GORAB: variants seen among roughly 807,000 people sequenced by gnomAD.
GORAB encodes the protein golgin, RAB6 interacting, also known as RAB6-interacting golgin.
Under a neutral mutation model 29.9 loss-of-function variants are expected in GORAB, and 17 were observed. That is an observed-to-expected ratio of 0.57 (90% CI 0.39 to 0.85). The LOEUF (loss-of-function observed/expected upper bound fraction) is 0.85. Among genes scored for constraint, GORAB ranks in the 40% least tolerant of loss-of-function variants. The probability of loss-of-function intolerance (pLI) is 0.00; values close to 1 mark genes in which losing one functional copy is unlikely to be tolerated. For synonymous variants in GORAB, 183 were observed against 157.2 expected, an observed-to-expected ratio of 1.16 and a Z score of -1.23; for missense variants, 442 against 437.8, an observed-to-expected ratio of 1.01 and a Z score of -0.09.
At chr1:170,536,179 T>G (rs1208560239) in intron 1 of GORAB, 1 of 152,170 alleles carries the variant, frequency 6.6e-6, no homozygotes, top group Non-Finnish European at 1.5e-5. Context: ...ATTTTAGAGT[T>G]TTCCCTATAG....
intron 1 of GORAB, among the ~76,000 whole-genome samples, chr1:170,534,145 C>T (rs1648897591): frequency 6.6e-6 from 1 of 152,066 alleles, no homozygotes; most frequent in South Asian, 2.1e-4. Context: ...ACCAAAGTGT[C>T]CATTAACAAG....
Position 170,539,365 on chromosome 1 carries a change from G to A in GORAB, c.217G>A (p.Val73Ile), listed in dbSNP as rs1558004413. Residue 73 changes from valine (V) to isoleucine (I), a missense_variant, in exon 2 of 5, where the codon GTT becomes ATT. Transcript: ENST00000367763. ...EQLLSAPKQR[V>I]NVQKPPFSSP... is the part of the protein sequence containing the mutation. ...GCTGCTTTCAGCACCAAAACAGAGA[G>A]TTAACGTTCAAAAACCACCTTTTTC... 6.2e-7 allele frequency: 1 copy of A among 1,614,110 alleles called. No individual in the cohort carries two copies. The highest frequency in any genetic ancestry group is 1.7e-5 in the Admixed American group (1 of 60,008).
intron 4 of GORAB, chr1:170,545,093 AG>A (rs1649675614): frequency 8.7e-7 from 1 of 1,152,816 alleles, no homozygotes; most frequent in South Asian, 4.0e-5. Context: ...TTTACGTTTT[AG>A]TCTTTGCTGC....
intron 2 of GORAB, 88 bp downstream of exon 2, chr1:170,539,655 T>G: frequency 1.4e-6 from 2 of 1,401,632 alleles, no homozygotes; most frequent in Non-Finnish European, 2.0e-6. Flanking sequence ...ATTTGTTTAT[T>G]TTAACATTTT....
chr1:170,552,368 A>T lies in GORAB; in HGVS notation c.1016A>T (p.Asp339Val), dbSNP rs1378868538. ...CQEQAVSPKV[D>V]DQCGNSSSIP... ...GAACAAGCTGTTTCCCCAAAGGTAG[A>T]TGACCAGTGTGGAAATTCCAGTAGC... Residue 339 changes from aspartate (D) to valine (V), a missense_variant, in exon 5 of 5, where the codon GAT (aspartate) becomes GTT (valine). Physicochemically the swap from Asp to Val is radical, Grantham distance 152 (BLOSUM62 -3). Transcript: ENST00000367763. 3 of 1,614,096 alleles carry T rather than the reference A, an allele frequency of 1.9e-6. No individual in the cohort carries two copies. Among genetic ancestry groups the T allele is most frequent in the East Asian group, 2.2e-5 (1 of 44,890 alleles).
At chr1:170,533,493 T>G (rs1283615403) in intron 1 of GORAB, 1 of 441,806 alleles carries the variant, frequency 2.3e-6, no homozygotes, top group Non-Finnish European at 4.6e-6. Context: ...CTGGTCTGAC[T>G]CCAGTAGACT....
chr1:170,541,243 A>T (rs1450023532), intron 2 of GORAB, among the ~76,000 whole-genome samples: 1 of 145,916 alleles, frequency 6.9e-6, no homozygotes, highest in Non-Finnish European at 1.5e-5. Context: ...CTGAGGAAGG[A>T]TCAGAAGCAG....
intron 1 of GORAB, among the ~76,000 whole-genome samples, chr1:170,537,077 T>C (rs1322427593): frequency 6.6e-6 from 1 of 152,142 alleles, no homozygotes; most frequent in African/African-American, 2.4e-5. Context: ...CTTTTTTCCC[T>C]CCTTTCTTCC....
intron 1 of GORAB, among the ~76,000 whole-genome samples, chr1:170,534,844 C>T (rs760638332): frequency 2.0e-5 from 3 of 152,014 alleles, no homozygotes; most frequent in Admixed American, 6.5e-5. Flanking sequence ...TGTTAAGTGA[C>T]GTATGATTGT....
chr1:170,533,704 G>A (rs1648861277), intron 1 of GORAB: 2 of 369,780 alleles, frequency 5.4e-6, no homozygotes, highest in African/African-American at 2.1e-5. Context: ...TCATTATGTA[G>A]AAGTATATTT....
Position 170,553,480 on chromosome 1 carries a change from G to T in GORAB, c.*1018G>T, listed in dbSNP as rs770201985. The stretch of plus-strand genomic sequence containing the variant: ...ATATCACATTATGATTTATTTATCA[G>T]AAATTCCAAAAAGTAAAAATATTAC... On this transcript the variant is annotated 3_prime_UTR_variant, in exon 5 of 5. Transcript: ENST00000367763. 1 of 425,606 alleles carries T rather than the reference G, an allele frequency of 2.3e-6. No individual in the cohort carries two copies. Among genetic ancestry groups the T allele is most frequent in the Non-Finnish European group, 4.6e-6 (1 of 219,330 alleles). 26.4% of individuals were successfully genotyped at this position (425,606 alleles called of 1,614,324 possible). A position where few individuals can be genotyped will look rare whatever the true frequency, so the allele number is the denominator to read the frequency against.
At chr1:170,547,395 TTGCTGC>T in intron 4 of GORAB, among the ~76,000 whole-genome samples, 1 of 137,382 alleles carries the variant, frequency 7.3e-6, no homozygotes, top group African/African-American at 2.6e-5. Flanking sequence ...TTTGAGAGAG[TTGCTGC>T]TGCTGCTGCT....
rs34490973 is a variant in GORAB, at chr1:170,543,630, C to CTTT, written c.521+1051_521+1053dup. ...CCAGCAGATAAAAGAGTAGTGCCCT[C>CTTT]TTTTTTTTTTTTTTTGGTAAGTGAT... On this transcript the variant is annotated intron_variant, in intron 3 of 4. Coordinates refer to ENST00000367763, the MANE Select transcript of GORAB (RefSeq NM_152281.3). 7.0e-3 allele frequency among the ~76,000 whole-genome samples: 950 copies of CTTT among 135,714 alleles called. 8 individuals are homozygous for CTTT. Among genetic ancestry groups the CTTT allele is most frequent in the South Asian group, 0.014 (60 of 4,350 alleles). 89.0% of individuals were successfully genotyped at this position (135,714 alleles called of 152,430 possible).
At chr1:170,537,627 T>C (rs1649141972) in intron 1 of GORAB, among the ~76,000 whole-genome samples, 1 of 152,208 alleles carries the variant, frequency 6.6e-6, no homozygotes, top group Non-Finnish European at 1.5e-5. Context: ...AATATCTGGC[T>C]ATGGTGACCT....
intron 1 of GORAB, among the ~76,000 whole-genome samples, chr1:170,532,967 G>C (rs924469943): frequency 6.6e-6 from 1 of 152,110 alleles, no homozygotes; most frequent in African/African-American, 2.4e-5. Context: ...GAATGGGCTT[G>C]TACAATTTTT....
At chr1:170,547,418 GCTGCTA>G (rs1284475258) in intron 4 of GORAB, among the ~76,000 whole-genome samples, 50 of 134,564 alleles carry the variant, frequency 3.7e-4, no homozygotes, top group African/African-American at 1.2e-3. Context: ...TGCTGCTACT[GCTGCTA>G]CTGCTGCTAC....
Position 170,536,569 on chromosome 1 carries a change from T to C in GORAB, c.62-2641T>C, listed in dbSNP as rs1571239936. On this transcript the variant is annotated intron_variant, in intron 1 of 4. Coordinates refer to ENST00000367763, the MANE Select transcript of GORAB (RefSeq NM_152281.3). ...TTCACATTTCTTCTAAAGTTATATT[T>C]TGTGACTCAGTAGTTCTTAGATAAT... 3.9e-5 allele frequency: 6 copies of C among 152,334 alleles called. No homozygotes were observed. In the South Asian group the frequency reaches 1.2e-3, roughly 32 times the overall value. The allele number at this position is 152,334 out of a possible 1,614,324, so 9.4% of individuals were successfully genotyped here.
intron 4 of GORAB, among the ~76,000 whole-genome samples, chr1:170,551,138 C>T (rs928581743): frequency 6.6e-6 from 1 of 152,166 alleles, no homozygotes; most frequent in Non-Finnish European, 1.5e-5. Context: ...CAACTGGGAG[C>T]ATTTGTGTCC....
chr1:170,542,422 A>C (rs1267652137), intron 2 of GORAB, 69 bp from the exon 3 acceptor site: 1 of 860,332 alleles, frequency 1.2e-6, no homozygotes, highest in African/African-American at 1.7e-5. Flanking sequence ...GAGACTGGTA[A>C]GGTGTTGGAT....
Sources: gnomAD v4.1 joint callset for allele counts (sites outside exome capture counted in the v4.1 genomes callset) on GRCh38, gnomAD v4.1.1 for gene constraint, MANE v1.5 for transcripts, NCBI Gene and HGNC (gene_info 2026-07-23, HGNC 2026-07-21) for gene names.